The following KMO variants were observed in gnomAD, a reference collection of about 807,000 sequenced individuals.
The protein encoded by KMO is kynurenine 3-hydroxylase.
KMO carries 24 observed loss-of-function variants against 57.8 expected under a neutral mutation model. The observed-to-expected ratio is 0.42, with a 90% CI of 0.30 to 0.58. The LOEUF (loss-of-function observed/expected upper bound fraction) is 0.58, where lower values mean the gene tolerates loss of function less well. Among genes scored for constraint, KMO ranks in the 20% least tolerant of loss-of-function variants. The pLI is 0.22. For synonymous variants in KMO, 210 were observed against 193.6 expected, an observed-to-expected ratio of 1.08 and a Z score of -0.70; for missense variants, 483 against 588.2, an observed-to-expected ratio of 0.82 and a Z score of 1.85.
chr1:241,552,401 C>G (rs1449250549), intron 4 of KMO, among the ~76,000 whole-genome samples: 1 of 152,202 alleles, frequency 6.6e-6, no homozygotes, highest in Non-Finnish European at 1.5e-5. Flanking sequence ...ATATCTCAGT[C>G]AAATATGGCG....
intron 1 of KMO, among the ~76,000 whole-genome samples, chr1:241,545,573 A>G (rs1411732755): frequency 6.6e-6 from 1 of 152,126 alleles, no homozygotes; most frequent in Non-Finnish European, 1.5e-5. Context: ...CACAAGTCAT[A>G]TTGGACTAAG....
At chr1:241,572,248 T>C (rs1294233276) in intron 10 of KMO, among the ~76,000 whole-genome samples, 1 of 152,172 alleles carries the variant, frequency 6.6e-6, no homozygotes, top group Non-Finnish European at 1.5e-5. Flanking sequence ...GGAAACTTTT[T>C]GTTACTGCTT....
chr1:241,572,083 T>A (rs566585704), intron 10 of KMO, among the ~76,000 whole-genome samples: 3 of 152,140 alleles, frequency 2.0e-5, no homozygotes, highest in Admixed American at 1.3e-4. Flanking sequence ...GCCAGGATGG[T>A]CTCGATCACT....
intron 10 of KMO, among the ~76,000 whole-genome samples, chr1:241,578,848 A>G (rs911901976): frequency 1.3e-5 from 2 of 152,118 alleles, no homozygotes; most frequent in African/African-American, 4.8e-5. Context: ...GTGGCTAGGG[A>G]GGCCTCACAA....
In KMO at chr1:241,532,473, A is replaced by G; in HGVS notation, c.29A>G (p.Lys10Arg). MDSSVIQRK[K>R]VAVIGGGLVG... ...GACTCATCTGTCATTCAAAGGAAAA[A>G]AGTAGCTGTCATTGGTGGTGGCTTG... Residue 10 changes from lysine to arginine, a missense_variant, in exon 1 of 15, where the codon AAA becomes AGA. Physicochemically the swap from Lys to Arg is conservative, Grantham distance 26. This residue lies in a region of KMO where 70 missense variants were observed against 78.4 expected (regional missense o/e 0.89). Transcript: ENST00000366559. 1 of 1,610,932 alleles carries G rather than the reference A, an allele frequency of 6.2e-7. No homozygotes were observed. The highest frequency in any genetic ancestry group is 8.5e-7 in the Non-Finnish European group (1 of 1,179,312).
intron 10 of KMO, among the ~76,000 whole-genome samples, chr1:241,582,331 T>C (rs996607962): frequency 6.6e-6 from 1 of 152,178 alleles, no homozygotes; most frequent in South Asian, 2.1e-4. Context: ...GAAGTTTTCA[T>C]TATTATTTCT....
intron 1 of KMO, among the ~76,000 whole-genome samples, chr1:241,547,527 T>C (rs2147946519): frequency 6.6e-6 from 1 of 150,410 alleles, no homozygotes; most frequent in South Asian, 2.1e-4. Flanking sequence ...AGCCAATCAA[T>C]ATATGAAAAA....
At chr1:241,584,412 T>A (rs931290293) in intron 10 of KMO, among the ~76,000 whole-genome samples, 9 of 152,224 alleles carry the variant, frequency 5.9e-5, no homozygotes, top group Admixed American at 5.2e-4. Flanking sequence ...GAGTGTAAAC[T>A]AGTTCAACCA....
chr1:241,575,476 A>T (rs1370592607), intron 10 of KMO, among the ~76,000 whole-genome samples: 1 of 152,034 alleles, frequency 6.6e-6, no homozygotes, highest in East Asian at 1.9e-4. Flanking sequence ...CACTATTATC[A>T]TTCATTTCAA....
At position 241,595,349 on chromosome 1, in the gene KMO, T is replaced by C. The variant is rs1208811656; in HGVS notation, c.*3196T>C. Reference sequence around the variant, plus strand: ...CTGGGAGGCCAACGCCTAAAGATCATAATATCACACAATGGAAGGAACCTA... The same window carrying C: ...CTGGGAGGCCAACGCCTAAAGATCACAATATCACACAATGGAAGGAACCTA... On this transcript the variant is annotated 3_prime_UTR_variant, in exon 15 of 15. Coordinates refer to ENST00000366559, the MANE Select transcript of KMO (RefSeq NM_003679.5). The C allele has an allele frequency of 6.6e-6, 1 of 152,262 alleles. No individual in the cohort carries two copies. The highest frequency in any genetic ancestry group is 2.4e-5 in the African/African-American group (1 of 41,432). 9.4% of individuals were successfully genotyped at this position (152,262 alleles called of 1,614,324 possible). A position where few individuals can be genotyped will look rare whatever the true frequency, so the allele number is the denominator to read the frequency against.
In KMO at chr1:241,592,755, C is replaced by CATCTATCTATCTATCT. The variant is rs3034552; in HGVS notation, c.*631_*646dup. The CATCTATCTATCTATCT allele has an allele frequency of 4.6e-3, 636 of 137,566 alleles. 3 individuals are homozygous for CATCTATCTATCTATCT. Among genetic ancestry groups the CATCTATCTATCTATCT allele is most frequent in the East Asian group, 6.0e-3 (26 of 4,366 alleles). The allele number at this position is 137,566 out of a possible 1,614,324, so 8.5% of individuals were successfully genotyped here. A position where few individuals can be genotyped will look rare whatever the true frequency, so the allele number is the denominator to read the frequency against. On this transcript the variant is annotated 3_prime_UTR_variant, in exon 15 of 15. Coordinates refer to ENST00000366559, the MANE Select transcript of KMO (RefSeq NM_003679.5). Reference sequence around the variant, plus strand: ...ATCTATCATCTATCTATCTATCTATCATCTATCTATCTATCTATCTATCTA... The same window carrying CATCTATCTATCTATCT: ...ATCTATCATCTATCTATCTATCTATCATCTATCTATCTATCTATCTATCTATCTATCTATCTATCTA...
intron 10 of KMO, among the ~76,000 whole-genome samples, chr1:241,575,278 T>G (rs1265090354): frequency 1.3e-5 from 2 of 152,084 alleles, no homozygotes; most frequent in Non-Finnish European, 2.9e-5. Flanking sequence ...TCTCCTCCGA[T>G]CTTTGTTTAT....
At chr1:241,546,620 G>T (rs966604991) in intron 1 of KMO, among the ~76,000 whole-genome samples, 3 of 152,148 alleles carry the variant, frequency 2.0e-5, no homozygotes, top group Admixed American at 2.0e-4. Context: ...GAGTATCAAG[G>T]AGAGACGGTG....
At chr1:241,583,154 T>C (rs892589690) in intron 10 of KMO, among the ~76,000 whole-genome samples, 1 of 152,164 alleles carries the variant, frequency 6.6e-6, no homozygotes, top group Non-Finnish European at 1.5e-5. Context: ...AAGGAGTTTT[T>C]CTCCCCATGC....
rs780824624 is a variant in KMO, at chr1:241,594,677, A to C, written c.*2524A>C. On this transcript the variant is annotated 3_prime_UTR_variant, in exon 15 of 15. Transcript: ENST00000366559. ...GCAGTCGGAGGCACAGAAGCTGCAA[A>C]AGGGATCTTCGAAACTGGGCAGAGA... 1 of 1,613,626 alleles carries C rather than the reference A, an allele frequency of 6.2e-7. No individual in the cohort carries two copies. The highest frequency in any genetic ancestry group is 8.5e-7 in the Non-Finnish European group (1 of 1,179,814).
intron 10 of KMO, among the ~76,000 whole-genome samples, chr1:241,585,038 C>T (rs1224576675): frequency 6.6e-6 from 1 of 151,786 alleles, no homozygotes; most frequent in Non-Finnish European, 1.5e-5. Flanking sequence ...CCAGCCTGGT[C>T]AACATGGTGA....
chr1:241,560,006 G>A (rs995455248), intron 5 of KMO, among the ~76,000 whole-genome samples: 3 of 152,168 alleles, frequency 2.0e-5, no homozygotes, highest in Non-Finnish European at 2.9e-5. Flanking sequence ...AGCATTAATA[G>A]GGACAAAATC....
intron 1 of KMO, 58 bp from the exon 2 acceptor site, chr1:241,548,771 T>C (rs1473502063): frequency 2.7e-6 from 3 of 1,095,618 alleles, no homozygotes; most frequent in Non-Finnish European, 4.1e-6. Flanking sequence ...ATTTTGCTGC[T>C]AAAAATTCCC....
rs1661330306 is a variant in KMO at position 241,549,780 on chromosome 1, T to C, written c.222+6T>C. The stretch of plus-strand genomic sequence containing the variant: ...CTGTTGGCCTGGAAGATCAGGTACT[T>C]AATGTATCTTTCTTACAGAAGATAA... On this transcript the variant is annotated splice_donor_region_variant and intron_variant, in intron 3 of 14. Coordinates refer to ENST00000366559, the MANE Select transcript of KMO (RefSeq NM_003679.5). The C allele has an allele frequency of 6.5e-7, 1 of 1,543,176 alleles. No individual in the cohort carries two copies. Among genetic ancestry groups the C allele is most frequent in the African/African-American group, 1.4e-5 (1 of 73,218 alleles).
Sources: allele counts gnomAD v4.1 joint callset (sites outside exome capture counted in the v4.1 genomes callset), GRCh38; gene constraint gnomAD v4.1.1; regional missense constraint gnomAD v4.1.1; transcripts MANE v1.5; gene names NCBI Gene and HGNC (gene_info 2026-07-23, HGNC 2026-07-21).